Variants in PHF3 observed in about 807,000 individuals in gnomAD.
The protein encoded by PHF3 is PHD finger protein 3.
Under a neutral mutation model 178.4 loss-of-function variants are expected in PHF3, and 41 were observed. The observed-to-expected ratio is 0.23, with a 90% confidence interval of 0.18 to 0.30. The LOEUF is 0.30. Among genes scored for constraint, PHF3 ranks in the 10% least tolerant of loss-of-function variants. The pLI is 1.00. For synonymous variants in PHF3, 842 were observed against 800.5 expected, an observed-to-expected ratio of 1.05 and a Z score of -0.88; for missense variants, 2,346 against 2,398.1, an observed-to-expected ratio of 0.98 and a Z score of 0.45.
chr6:63,675,774 A>G (rs1414322468), intron 2 of PHF3, among the ~76,000 whole-genome samples: 2 of 152,214 alleles, frequency 1.3e-5, no homozygotes, highest in Non-Finnish European at 2.9e-5. Flanking sequence ...CAGCACATAT[A>G]AACATGGTCA....
chr6:63,663,649 T>A lies in PHF3; in HGVS notation c.245-16351T>A, dbSNP rs1338762634. Among the ~76,000 whole-genome samples, 3 of 152,140 alleles carry A rather than the reference T, an allele frequency of 2.0e-5. No homozygotes were observed. In the East Asian group the frequency reaches 5.8e-4, roughly 29 times the overall value. On this transcript the variant is annotated intron_variant, in intron 2 of 15. Transcript: ENST00000262043. ...TCATCTTGACTCAGAATTTTTGGCC[T>A]TGGTTTTAGTTAGGATTACACTCAG...
rs549894721 is a variant in PHF3 at position 63,653,990 on chromosome 6, T to G, written c.244+7195T>G. Among the ~76,000 whole-genome samples, 4 of 152,308 alleles carry G rather than the reference T, an allele frequency of 2.6e-5. No individual in the cohort carries two copies. The South Asian group carries it at 8.3e-4, about 32-fold the overall frequency. Reference sequence around the variant, plus strand: ...ATTCCTGGGATAAATGCTACTTGATTGTGGTGAGTGATCTTTTTAATGTGC... The same window carrying G: ...ATTCCTGGGATAAATGCTACTTGATGGTGGTGAGTGATCTTTTTAATGTGC... On this transcript the variant is annotated intron_variant, in intron 2 of 15. Coordinates refer to ENST00000262043, the MANE Select transcript of PHF3 (RefSeq NM_001370348.2).
Position 63,698,270 on chromosome 6 carries a change from G to T in PHF3, c.2728G>T (p.Val910Leu). The change falls in exon 7 of 16, where the codon GTG becomes TTG. Residue 910 changes from valine to leucine, a missense_variant. Physicochemically the swap from Val to Leu is conservative, Grantham distance 32. Transcript: ENST00000262043. Reference sequence around the variant, plus strand: ...GAAAAAGAAGAAAGTTGAAAAAGGAGTGCTTAATGTACATCCTGCTGCTTC... The same window carrying T: ...GAAAAAGAAGAAAGTTGAAAAAGGATTGCTTAATGTACATCCTGCTGCTTC... ...EMKKKKVEKG[V>L]LNVHPAASAS... 6.2e-7 allele frequency: 1 copy of T among 1,612,512 alleles called. No homozygotes were observed. The highest frequency in any genetic ancestry group is 8.5e-7 in the Non-Finnish European group (1 of 1,178,936).
chr6:63,685,587 C>G lies in PHF3; in HGVS notation c.1865C>G (p.Ser622Cys). 1 of 1,614,044 alleles carries G rather than the reference C, an allele frequency of 6.2e-7. No homozygotes were observed. The highest frequency in any genetic ancestry group is 8.5e-7 in the Non-Finnish European group (1 of 1,179,992). ...GCACAAACTGGACATGTATCACATT[C>G]TAGCCAGAAACAGTGTCATAAGCCT... is the stretch of plus-strand genomic sequence containing the variant. Reference protein sequence around the residue: ...HPAQTGHVSHSSQKQCHKPQQ... With the variant: ...HPAQTGHVSHCSQKQCHKPQQ... The change falls in exon 4 of 16, where the codon TCT becomes TGT. Residue 622 changes from serine to cysteine, a missense_variant. Coordinates refer to ENST00000262043, the MANE Select transcript of PHF3 (RefSeq NM_001370348.2).
In PHF3 at chr6:63,710,765, C is replaced by G. The variant is rs184191681; in HGVS notation, c.3802-402C>G. Among the ~76,000 whole-genome samples, 4 of 152,142 alleles carry G rather than the reference C, an allele frequency of 2.6e-5. No individual in the cohort carries two copies. In the East Asian group the frequency reaches 7.7e-4, roughly 29 times the overall value. ...GTGGAAGTGTTGGGTGCTTTTAGTTCCCAGTGGTTCAAGAACATAAGCAGC... is the reference window on the plus strand; with the variant it reads ...GTGGAAGTGTTGGGTGCTTTTAGTTGCCAGTGGTTCAAGAACATAAGCAGC... On this transcript the variant is annotated intron_variant, in intron 14 of 15. Transcript: ENST00000262043.
chr6:63,686,015 C>A, intron 4 of PHF3, 104 bp downstream of exon 4: 1 of 738,824 alleles, frequency 1.4e-6, no homozygotes, highest in Non-Finnish European at 2.2e-6. Flanking sequence ...ATTTGATACA[C>A]AGAGACCTGT....
At chr6:63,636,258 G>T in intron 1 of PHF3, 108 bp downstream of exon 1, 1 of 279,160 alleles carries the variant, frequency 3.6e-6, no homozygotes, top group Non-Finnish European at 6.7e-6. Flanking sequence ...TCCCGCGGCG[G>T]ACTCTCCGCG....
intron 5 of PHF3, 62 bp downstream of exon 5, chr6:63,692,105 A>T (rs901124629): frequency 3.5e-6 from 4 of 1,153,070 alleles, no homozygotes; most frequent in Non-Finnish European, 4.8e-6. Context: ...GACTGACTGC[A>T]ATAATTTTGA....
intron 6 of PHF3, among the ~76,000 whole-genome samples, chr6:63,695,170 G>A (rs1239333093): frequency 6.6e-6 from 1 of 152,114 alleles, no homozygotes; most frequent in Admixed American, 6.6e-5. Flanking sequence ...ATTTGAAGGG[G>A]TGCAAAGATT....
intron 1 of PHF3, among the ~76,000 whole-genome samples, chr6:63,645,797 A>G (rs1345467321): frequency 1.3e-5 from 2 of 152,208 alleles, no homozygotes; most frequent in African/African-American, 4.8e-5. Flanking sequence ...ACTTGTATAG[A>G]CCACACATAA....
chr6:63,638,638 T>G (rs999204822), intron 1 of PHF3, among the ~76,000 whole-genome samples: 10 of 152,210 alleles, frequency 6.6e-5, no homozygotes, highest in African/African-American at 1.2e-4. Context: ...TTTCTAACAG[T>G]TTTTATTCAT....
intron 2 of PHF3, among the ~76,000 whole-genome samples, chr6:63,663,027 AT>A (rs1220780368): frequency 6.6e-6 from 1 of 152,240 alleles, no homozygotes; most frequent in Non-Finnish European, 1.5e-5. Flanking sequence ...GAATAAAAAA[AT>A]AATTTTGATA....
intron 2 of PHF3, among the ~76,000 whole-genome samples, chr6:63,660,586 T>C (rs1287309487): frequency 6.6e-6 from 1 of 152,166 alleles, no homozygotes; most frequent in South Asian, 2.1e-4. Flanking sequence ...AAATAATTTT[T>C]CTTCTTATTT....
chr6:63,677,137 A>G (rs955302876), intron 2 of PHF3, among the ~76,000 whole-genome samples: 2 of 152,142 alleles, frequency 1.3e-5, no homozygotes, highest in Non-Finnish European at 2.9e-5. Flanking sequence ...TTATTAGACA[A>G]CTTAATGAAG....
chr6:63,653,019 GTTT>G (rs371116514), intron 2 of PHF3, among the ~76,000 whole-genome samples: 1 of 126,974 alleles, frequency 7.9e-6, no homozygotes. Context: ...ATGTTGGCTA[GTTT>G]TTTTTTTTTT....
rs1381148205 is a variant in PHF3 at position 63,706,060 on chromosome 6, T to C, written c.3399T>C (p.Ser1133=). 4.3e-6 allele frequency: 7 copies of C among 1,613,368 alleles called. No individual in the cohort carries two copies. The African/African-American group carries it at 8.0e-5, about 18-fold the overall frequency. ...TGGCACCACCTGTAGATGATCTTTCTCCAAAAAAAGTAAAAGTTGTTGTAG... is the reference window on the plus strand; with the variant it reads ...TGGCACCACCTGTAGATGATCTTTCCCCAAAAAAAGTAAAAGTTGTTGTAG... ...GRMAPPVDDL[S]PKKVKVVVGV... The change falls in exon 12 of 16, where the codon TCT becomes TCC. Residue 1133 remains serine (S), a synonymous_variant. Transcript: ENST00000262043.
chr6:63,646,791 A>C lies in PHF3; in HGVS notation c.240A>C (p.Ser80=). 6.9e-7 allele frequency: 1 copy of C among 1,452,404 alleles called. No homozygotes were observed. The highest frequency in any genetic ancestry group is 2.7e-5 in the East Asian group (1 of 37,374). 90.0% of individuals were successfully genotyped at this position (1,452,404 alleles called of 1,614,324 possible). A position where few individuals can be genotyped will look rare whatever the true frequency, so the allele number is the denominator to read the frequency against. ...SNDPNFQMPC[S]TVVGLDDIMD... ...ATCCCAATTTCCAGATGCCTTGTTC[A>C]ACAGGTAATTCTTACTTTTTTTTTT... Residue 80 remains serine (S), a synonymous_variant, in exon 2 of 16, where the codon TCA becomes TCC. Transcript: ENST00000262043.
chr6:63,710,404 G>T (rs573460618), intron 14 of PHF3, among the ~76,000 whole-genome samples: 1 of 151,696 alleles, frequency 6.6e-6, no homozygotes, highest in African/African-American at 2.4e-5. Context: ...TTATAAGAGA[G>T]TCATATTTCA....
intron 14 of PHF3, among the ~76,000 whole-genome samples, chr6:63,710,905 AT>A (rs1185236794): frequency 6.6e-6 from 1 of 152,182 alleles, no homozygotes; most frequent in Non-Finnish European, 1.5e-5. Flanking sequence ...CAAAAAAGTC[AT>A]TAATCACCTT....
Sources: allele counts gnomAD v4.1 joint callset (sites outside exome capture counted in the v4.1 genomes callset), GRCh38; gene constraint gnomAD v4.1.1; transcripts MANE v1.5; gene names NCBI Gene and HGNC (gene_info 2026-07-23, HGNC 2026-07-21).